The following FBXO25 variants were observed in gnomAD, a reference collection of about 807,000 sequenced individuals.
FBXO25 encodes F-box protein 25.
FBXO25 carries 45 observed loss-of-function variants against 51.9 expected under a neutral mutation model. The ratio of observed to expected loss-of-function variants is 0.87; its 90% CI spans 0.68 to 1.11. FBXO25 has a LOEUF of 1.11. Among genes scored for constraint, FBXO25 ranks in the 50% most tolerant of loss-of-function variants. The probability of loss-of-function intolerance (pLI) is 0.00; values close to 1 mark genes in which losing one functional copy is unlikely to be tolerated. For synonymous variants in FBXO25, 199 were observed against 151.0 expected (o/e 1.32, Z -2.33); for missense variants, 507 against 428.5 (o/e 1.18, Z -1.62).
rs183640083 is a variant in FBXO25 at position 445,179 on chromosome 8, T to C, written c.382-4811T>C. 1.3e-4 allele frequency among the ~76,000 whole-genome samples: 20 copies of C among 152,358 alleles called. No homozygotes were observed. In the East Asian group the frequency reaches 2.9e-3, roughly 22 times the overall value. On this transcript the variant is annotated intron_variant, in intron 5 of 9. Transcript: ENST00000350302. ...CTCTATGCTTACCTATGCCTCGTGATGTCCATTCTGTAGTCCTCTGTGGGT... is the reference window on the plus strand; with the variant it reads ...CTCTATGCTTACCTATGCCTCGTGACGTCCATTCTGTAGTCCTCTGTGGGT...
At chr8:452,247 C>G (rs558576403) in intron 7 of FBXO25, among the ~76,000 whole-genome samples, 2 of 152,248 alleles carry the variant, frequency 1.3e-5, no homozygotes, top group Admixed American at 6.5e-5. Context: ...TGATGATTGC[C>G]TAGTTATGAG....
rs777629475 is a variant in FBXO25 at position 458,416 on chromosome 8, G to T, written c.708G>T (p.Leu236=). 1.2e-6 allele frequency: 2 copies of T among 1,614,178 alleles called. No individual in the cohort carries two copies. The highest frequency in any genetic ancestry group is 1.7e-6 in the Non-Finnish European group (2 of 1,180,020). The change falls in exon 8 of 10, where the codon CTG becomes CTT. Residue 236 remains leucine (L), a synonymous_variant. Transcript: ENST00000350302. Reference sequence around the variant, plus strand: ...TCAGTGACCTTCCTCTGCACATGCTGAACAACATCCTATACCGGTTCTCAG... The same window carrying T: ...TCAGTGACCTTCCTCTGCACATGCTTAACAACATCCTATACCGGTTCTCAG... ...LTLSDLPLHM[L]NNILYRFSDG... is the part of the protein sequence containing the mutation.
chr8:458,581 G>T, intron 8 of FBXO25, 30 bp downstream of exon 8: 6 of 1,608,198 alleles, frequency 3.7e-6, no homozygotes, highest in Middle Eastern at 1.7e-4. Flanking sequence ...CTCCCCTCAG[G>T]CTGGGAGTTT....
At chr8:427,342 G>A (rs1201824832) in intron 2 of FBXO25, among the ~76,000 whole-genome samples, 2 of 150,554 alleles carry the variant, frequency 1.3e-5, no homozygotes, top group Non-Finnish European at 3.0e-5. Flanking sequence ...GTTCCACTTT[G>A]TTTTGGTGTT....
At position 471,714 on chromosome 8, in the gene FBXO25, C is replaced by A. The variant is rs1355136954; in HGVS notation, c.*2910C>A. 6.6e-6 allele frequency: 1 copy of A among 152,200 alleles called. No individual in the cohort carries two copies. The highest frequency in any genetic ancestry group is 1.9e-4 in the East Asian group (1 of 5,190). The allele number at this position is 152,200 out of a possible 1,614,324, so 9.4% of individuals were successfully genotyped here. On this transcript the variant is annotated 3_prime_UTR_variant, in exon 10 of 10. Transcript: ENST00000350302. Reference sequence around the variant, plus strand: ...CTATTTTGAGTCAAAAAGTCACATTCCTCACCTAATTTATGAATACACACA... The same window carrying A: ...CTATTTTGAGTCAAAAAGTCACATTACTCACCTAATTTATGAATACACACA...
chr8:410,770 A>G (rs1796442069), intron 1 of FBXO25, among the ~76,000 whole-genome samples: 2 of 152,234 alleles, frequency 1.3e-5, no homozygotes, highest in Non-Finnish European at 1.5e-5. Context: ...TTTAAGGAAT[A>G]AAGTATTTTC....
At position 433,086 on chromosome 8, in the gene FBXO25, TGAG is replaced by T. The variant is rs1797910395; in HGVS notation, c.288+155_288+157del. On this transcript the variant is annotated intron_variant, in intron 4 of 9. Transcript: ENST00000350302. Reference sequence around the variant, plus strand: ...TCACATTCTGACAGATAATAGCATATGAGGAGCTTTTGAGGCAGTGATTTTCCA... The same window carrying T: ...TCACATTCTGACAGATAATAGCATATGAGCTTTTGAGGCAGTGATTTTCCA... 17 of 1,165,688 alleles carry T rather than the reference TGAG, an allele frequency of 1.5e-5. No homozygotes were observed. The South Asian group carries it at 2.8e-4, about 19-fold the overall frequency. 72.2% of individuals were successfully genotyped at this position (1,165,688 alleles called of 1,614,324 possible).
intron 2 of FBXO25, among the ~76,000 whole-genome samples, chr8:413,778 C>T (rs575119623): frequency 6.6e-6 from 1 of 152,158 alleles, no homozygotes; most frequent in Non-Finnish European, 1.5e-5. Flanking sequence ...TGGCACAGCC[C>T]AAAAGTTACA....
intron 5 of FBXO25, among the ~76,000 whole-genome samples, chr8:442,335 AG>A (rs1210356355): frequency 6.6e-6 from 1 of 152,112 alleles, no homozygotes; most frequent in Non-Finnish European, 1.5e-5. Context: ...TTCTACTTGA[AG>A]TAGGAACTAT....
intron 8 of FBXO25, among the ~76,000 whole-genome samples, chr8:462,312 A>G (rs76306455): frequency 8.5e-5 from 13 of 152,342 alleles, no homozygotes; most frequent in African/African-American, 3.1e-4. Flanking sequence ...TCCTTTGACC[A>G]TTTTTTAAAC....
chr8:458,146 A>G (rs1260280318), intron 7 of FBXO25, among the ~76,000 whole-genome samples: 1 of 152,204 alleles, frequency 6.6e-6, no homozygotes, highest in African/African-American at 2.4e-5. Context: ...TCACCCAGGA[A>G]CAGCCTGGTT....
intron 5 of FBXO25, among the ~76,000 whole-genome samples, chr8:440,166 T>A (rs1456181279): frequency 6.6e-6 from 1 of 152,186 alleles, no homozygotes; most frequent in Non-Finnish European, 1.5e-5. Context: ...CTCTTTCTTA[T>A]TTATTTACTC....
intron 5 of FBXO25, among the ~76,000 whole-genome samples, chr8:440,695 G>A (rs1006600652): frequency 1.3e-5 from 2 of 152,082 alleles, no homozygotes; most frequent in South Asian, 2.1e-4. Flanking sequence ...CCATCAACCC[G>A]TCATCTACAT....
rs1235080283 is a variant in FBXO25, at chr8:451,589, T to C, written c.660+136T>C. 6.7e-6 allele frequency: 6 copies of C among 896,860 alleles called. No individual in the cohort carries two copies. The African/African-American group carries it at 1.0e-4, about 15-fold the overall frequency. 55.6% of individuals were successfully genotyped at this position (896,860 alleles called of 1,614,324 possible). A position where few individuals can be genotyped will look rare whatever the true frequency, so the allele number is the denominator to read the frequency against. On this transcript the variant is annotated intron_variant, in intron 7 of 9. Coordinates refer to ENST00000350302, the MANE Select transcript of FBXO25 (RefSeq NM_183420.2). ...GCTTTCATAAGTATTCATTAAATTG[T>C]TTTAAAATAGAAAAGGACCAAAGAC...
rs1034315448 is a variant in FBXO25 at position 470,125 on chromosome 8, G to T, written c.*1321G>T. ...AGAACCATATCCTAAATGTTATTTG[G>T]AAACTTGGCTTTTATTAGCTCCACA... On this transcript the variant is annotated 3_prime_UTR_variant, in exon 10 of 10. Coordinates refer to ENST00000350302, the MANE Select transcript of FBXO25 (RefSeq NM_183420.2). 6.6e-6 allele frequency: 1 copy of T among 151,976 alleles called. No individual in the cohort carries two copies. Among genetic ancestry groups the T allele is most frequent in the African/African-American group, 2.4e-5 (1 of 41,366 alleles). The allele number at this position is 151,976 out of a possible 1,614,324, so 9.4% of individuals were successfully genotyped here.
chr8:467,704 C>T (rs1186187854), intron 9 of FBXO25: 3 of 1,613,732 alleles, frequency 1.9e-6, no homozygotes, highest in South Asian at 1.1e-5. Flanking sequence ...CTGATTCTTT[C>T]TTCATGATCT....
intron 2 of FBXO25, among the ~76,000 whole-genome samples, chr8:423,197 T>A (rs1797260419): frequency 6.6e-6 from 1 of 152,210 alleles, no homozygotes; most frequent in Non-Finnish European, 1.5e-5. Flanking sequence ...CACACTGATG[T>A]AAATAGAGAG....
chr8:409,536 G>C (rs1314656841), intron 1 of FBXO25, among the ~76,000 whole-genome samples: 1 of 152,174 alleles, frequency 6.6e-6, no homozygotes, highest in Non-Finnish European at 1.5e-5. Flanking sequence ...GGAAACAGTA[G>C]GCAGGCTCTT....
chr8:444,220 C>A, intron 5 of FBXO25, among the ~76,000 whole-genome samples: 1 of 152,118 alleles, frequency 6.6e-6, no homozygotes, highest in Admixed American at 6.5e-5. Context: ...TTTGGTCTGC[C>A]CAGTGAAGAA....
Sources: gnomAD v4.1 joint callset for allele counts (sites outside exome capture counted in the v4.1 genomes callset) on GRCh38, gnomAD v4.1.1 for gene constraint, MANE v1.5 for transcripts, NCBI Gene and HGNC (gene_info 2026-07-23, HGNC 2026-07-21) for gene names.